Variants in PCDHGA5 observed in about 807,000 individuals in gnomAD.
PCDHGA5 encodes the protein protocadherin gamma subfamily A, 5.
A neutral mutation model predicts 56.7 loss-of-function variants in PCDHGA5; 36 were observed. The observed-to-expected ratio is 0.64, with a 90% confidence interval of 0.49 to 0.84. The LOEUF (loss-of-function observed/expected upper bound fraction) is 0.84. Among genes scored for constraint, PCDHGA5 ranks in the 40% least tolerant of loss-of-function variants. The pLI, the probability that PCDHGA5 is intolerant of heterozygous loss-of-function variation, is 0.00. For synonymous variants in PCDHGA5, 563 were observed against 520.2 expected (o/e 1.08, Z -1.12); for missense variants, 1,305 against 1,201.5 (o/e 1.09, Z -1.27).
intron 1 of PCDHGA5, among the ~76,000 whole-genome samples, chr5:141,370,065 A>G (rs960768866): frequency 6.6e-6 from 1 of 152,254 alleles, no homozygotes; most frequent in Non-Finnish European, 1.5e-5. Context: ...TCCTTTTAAA[A>G]TGGGAAGAAA....
chr5:141,438,700 AC>A (rs2098052453), intron 1 of PCDHGA5, among the ~76,000 whole-genome samples: 1 of 144,406 alleles, frequency 6.9e-6, no homozygotes, highest in Non-Finnish European at 1.5e-5. Context: ...TTGCTCTGTC[AC>A]CCAGGCTGGA....
Position 141,419,438 on chromosome 5 carries a change from A to G in PCDHGA5, c.2421+52687A>G, listed in dbSNP as rs764801455. On this transcript the variant is annotated intron_variant, in intron 1 of 3. Coordinates refer to ENST00000518069, the MANE Select transcript of PCDHGA5 (RefSeq NM_018918.3). ...CGCCTTCGACCACGAGCAGCTGCGC[A>G]CCTTCGAGCTCACGCTGCAGGCCCG... 8 of 1,613,138 alleles carry G rather than the reference A, an allele frequency of 5.0e-6. No homozygotes were observed. The highest frequency in any genetic ancestry group is 4.4e-5 in the South Asian group (4 of 91,044).
intron 1 of PCDHGA5, chr5:141,427,597 T>C: frequency 1.5e-6 from 1 of 682,152 alleles, no homozygotes; most frequent in Non-Finnish European, 2.7e-6. Context: ...AGCCTCACCC[T>C]ACGCATTGGT....
Position 141,477,626 on chromosome 5 carries a change from G to C in PCDHGA5, c.2422-17181G>C. The C allele has an allele frequency of 1.2e-6, 2 of 1,614,170 alleles. No homozygotes were observed. Among genetic ancestry groups the C allele is most frequent in the Non-Finnish European group, 1.7e-6 (2 of 1,180,036 alleles). ...TCTCTTGGAGCAAGGAGCTGAAACCGGGCTAGTGGGTCGCTATTTCACAAT... is the reference window on the plus strand; with the variant it reads ...TCTCTTGGAGCAAGGAGCTGAAACCCGGCTAGTGGGTCGCTATTTCACAAT... On this transcript the variant is annotated intron_variant, in intron 1 of 3. Transcript: ENST00000518069. The surrounding 1 kb of genome is among the most constrained non-coding windows in gnomAD (Gnocchi z 4.9).
At chr5:141,393,442 T>G (rs932289283) in intron 1 of PCDHGA5, 3 of 1,614,056 alleles carry the variant, frequency 1.9e-6, no homozygotes, top group Non-Finnish European at 2.5e-6. Context: ...GCTCACCACC[T>G]GGTCCTCACG....
intron 1 of PCDHGA5, among the ~76,000 whole-genome samples, chr5:141,481,693 C>T (rs755007426): frequency 1.8e-4 from 27 of 152,020 alleles, no homozygotes; most frequent in Admixed American, 7.9e-4. Context: ...GTGGCTCACG[C>T]CTGTAATCCC....
intron 1 of PCDHGA5, among the ~76,000 whole-genome samples, chr5:141,460,173 A>C (rs2098983888): frequency 6.6e-6 from 1 of 152,004 alleles, no homozygotes; most frequent in Admixed American, 6.6e-5. Flanking sequence ...TATTTTGTGG[A>C]TATTTTATCC....
intron 1 of PCDHGA5, among the ~76,000 whole-genome samples, chr5:141,443,727 A>T: frequency 6.6e-6 from 1 of 152,220 alleles, no homozygotes; most frequent in Non-Finnish European, 1.5e-5. Context: ...AATTCCTCAT[A>T]CATTTCCCTA....
At position 141,494,787 on chromosome 5, in the gene PCDHGA5, T is replaced by G. The variant is rs763990551; in HGVS notation, c.2422-20T>G. The G allele has an allele frequency of 6.2e-7, 1 of 1,614,044 alleles. No individual in the cohort carries two copies. Among genetic ancestry groups the G allele is most frequent in the Non-Finnish European group, 8.5e-7 (1 of 1,179,990 alleles). On this transcript the variant is annotated intron_variant, in intron 1 of 3. Transcript: ENST00000518069. ...ACTTCTCACGGGTACTCAGCCCCTT[T>G]CCCTCTGTTTTCTCCACAGCAAGCC...
At position 141,491,291 on chromosome 5, in the gene PCDHGA5, C is replaced by G; in HGVS notation, c.2422-3516C>G. On this transcript the variant is annotated intron_variant, in intron 1 of 3. Coordinates refer to ENST00000518069, the MANE Select transcript of PCDHGA5 (RefSeq NM_018918.3). The surrounding 1 kb of genome is among the most constrained non-coding windows in gnomAD (Gnocchi z 6.9). ...AAATCCAGTGACTTCCTCATACACCCTCCTGAGCGTTCAGACCTTACCCTT... is the reference window on the plus strand; with the variant it reads ...AAATCCAGTGACTTCCTCATACACCGTCCTGAGCGTTCAGACCTTACCCTT... 2 of 1,614,152 alleles carry G rather than the reference C, an allele frequency of 1.2e-6. No homozygotes were observed. The highest frequency in any genetic ancestry group is 1.7e-6 in the Non-Finnish European group (2 of 1,179,974).
At chr5:141,369,404 T>C (rs1340022164) in intron 1 of PCDHGA5, among the ~76,000 whole-genome samples, 1 of 152,184 alleles carries the variant, frequency 6.6e-6, no homozygotes, top group Non-Finnish European at 1.5e-5. Flanking sequence ...GGGTGGTTCA[T>C]GACTATAATC....
At chr5:141,460,981 GTGTA>G (rs1315974712) in intron 1 of PCDHGA5, among the ~76,000 whole-genome samples, 3 of 121,894 alleles carry the variant, frequency 2.5e-5, no homozygotes, top group Non-Finnish European at 5.1e-5. Context: ...GTGTGTGTGT[GTGTA>G]TATATATATA....
At chr5:141,405,246 A>G (rs1163477660) in intron 1 of PCDHGA5, 10 of 1,614,126 alleles carry the variant, frequency 6.2e-6, no homozygotes, top group Non-Finnish European at 8.5e-6. Flanking sequence ...GACTCAAGGA[A>G]GAGTCACCTG....
intron 1 of PCDHGA5, among the ~76,000 whole-genome samples, chr5:141,386,684 T>A (rs1216561775): frequency 6.6e-6 from 1 of 152,098 alleles, no homozygotes; most frequent in African/African-American, 2.4e-5. Flanking sequence ...AGATGTACAA[T>A]CACTTGGGGT....
In PCDHGA5 at chr5:141,477,406, A is replaced by G. The variant is rs1004061582; in HGVS notation, c.2422-17401A>G. The G allele has an allele frequency of 6.2e-7, 1 of 1,614,154 alleles. No individual in the cohort carries two copies. Among genetic ancestry groups the G allele is most frequent in the Non-Finnish European group, 8.5e-7 (1 of 1,180,040 alleles). The stretch of plus-strand genomic sequence containing the variant: ...AATACAACCTCAGCATCACCGCCCG[A>G]GACGCCGGAACCCCTTCCCTCTCAG... On this transcript the variant is annotated intron_variant, in intron 1 of 3. Transcript: ENST00000518069. The surrounding 1 kb of genome is among the most constrained non-coding windows in gnomAD (Gnocchi z 4.9).
chr5:141,407,651 G>A (rs1005294855), intron 1 of PCDHGA5, among the ~76,000 whole-genome samples: 1 of 151,926 alleles, frequency 6.6e-6, no homozygotes, highest in African/African-American at 2.4e-5. Flanking sequence ...AATAATGGGG[G>A]AGCGCAGTAT....
intron 1 of PCDHGA5, among the ~76,000 whole-genome samples, chr5:141,438,349 C>G (rs892834423): frequency 6.6e-6 from 1 of 151,762 alleles, no homozygotes; most frequent in Non-Finnish European, 1.5e-5. Flanking sequence ...AGGATCTACT[C>G]TGTGTATTGT....
rs369352283 is a variant in PCDHGA5 at position 141,374,184 on chromosome 5, C to T, written c.2421+7433C>T. On this transcript the variant is annotated intron_variant, in intron 1 of 3. Coordinates refer to ENST00000518069, the MANE Select transcript of PCDHGA5 (RefSeq NM_018918.3). ...GCCGCGGCAGCGCAGATCCGCTACTCTATTCCCGAGGAGCTGGAGAAAGGC... is the reference window on the plus strand; with the variant it reads ...GCCGCGGCAGCGCAGATCCGCTACTTTATTCCCGAGGAGCTGGAGAAAGGC... The T allele has an allele frequency of 5.0e-6, 8 of 1,613,676 alleles. No homozygotes were observed. In the East Asian group the frequency reaches 1.1e-4, roughly 22 times the overall value.
intron 1 of PCDHGA5, chr5:141,398,523 A>T (rs988295276): frequency 6.2e-7 from 1 of 1,613,602 alleles, no homozygotes; most frequent in Non-Finnish European, 8.5e-7. Context: ...ACACGCCAAA[A>T]TTCACGCAAA....
Sources: gnomAD v4.1 joint callset for allele counts (sites outside exome capture counted in the v4.1 genomes callset) on GRCh38, gnomAD v4.1.1 for gene constraint, Gnocchi (gnomAD v3.1) non-coding constraint, MANE v1.5 for transcripts, NCBI Gene and HGNC (gene_info 2026-07-23, HGNC 2026-07-21) for gene names.